The following ADD2 variants were observed in gnomAD, a reference collection of about 807,000 sequenced individuals.
The protein encoded by ADD2 is beta-adducin.
In ADD2, 23 loss-of-function variants were observed where a neutral mutation model predicts 83.0. That is an observed-to-expected ratio of 0.28 (90% CI 0.20 to 0.39). ADD2 has a LOEUF of 0.39. ADD2 is among the 10% of genes least tolerant of loss of function. The pLI is 1.00. For synonymous variants in ADD2, 375 were observed against 375.4 expected (o/e 1.00, Z 0.01); for missense variants, 758 against 944.9 (o/e 0.80, Z 2.59).
chr2:70,688,634 G>A (rs994785980), intron 8 of ADD2, among the ~76,000 whole-genome samples: 3 of 152,172 alleles, frequency 2.0e-5, no homozygotes, highest in Admixed American at 2.0e-4. Context: ...TCTCTGAGAG[G>A]TGGCCCTACA....
chr2:70,721,699 CA>C (rs1672737503), intron 1 of ADD2, among the ~76,000 whole-genome samples: 1 of 152,162 alleles, frequency 6.6e-6, no homozygotes, highest in Non-Finnish European at 1.5e-5. Flanking sequence ...TGTCTCCAGG[CA>C]ATTTCTGTAC....
intron 1 of ADD2, chr2:70,741,537 G>T (rs752641841): frequency 6.6e-6 from 1 of 152,218 alleles, no homozygotes; most frequent in African/African-American, 2.4e-5. Context: ...CTACTTTGGC[G>T]TACAGGAGAA....
rs376086375 is a variant in ADD2, at chr2:70,690,823, C to A, written c.812G>T (p.Arg271Leu). ...FNGEMEQEAD[R>L]INLQKCLGPT... ...TCCAAGGCACTTCTGCAGGTTGATC[C>A]GATCGGCTTCCTGCTCCATTTCCCC... is the stretch of plus-strand genomic sequence containing the variant. Residue 271 changes from arginine to leucine, a missense_variant, in exon 8 of 16, where the codon CGG becomes CTG. Around this residue, in one of 5 missense-constraint regions of ADD2, gnomAD observed 394 missense variants for 509.3 expected, o/e 0.77. Transcript: ENST00000264436. The A allele has an allele frequency of 6.2e-7, 1 of 1,614,010 alleles. No individual in the cohort carries two copies. Among genetic ancestry groups the A allele is most frequent in the Non-Finnish European group, 8.5e-7 (1 of 1,180,018 alleles).
intron 1 of ADD2, among the ~76,000 whole-genome samples, chr2:70,742,320 A>T (rs1673961100): frequency 6.6e-6 from 1 of 152,228 alleles, no homozygotes; most frequent in African/African-American, 2.4e-5. Flanking sequence ...CAAGTACATT[A>T]CCAGAGAAAA....
At chr2:70,740,989 C>T (rs139179576) in intron 1 of ADD2, among the ~76,000 whole-genome samples, 6 of 152,200 alleles carry the variant, frequency 3.9e-5, no homozygotes, top group Non-Finnish European at 7.3e-5. Context: ...CATGAGCCAC[C>T]GTGCCCGGCC....
At chr2:70,692,604 C>T (rs544821191) in intron 6 of ADD2, 52 bp from the exon 7 acceptor site, 8 of 1,518,384 alleles carry the variant, frequency 5.3e-6, no homozygotes, top group Admixed American at 4.1e-5. Context: ...CGAGGCCCCG[C>T]ACTCCTCTCC....
intron 6 of ADD2, among the ~76,000 whole-genome samples, chr2:70,694,636 C>T (rs1487949000): frequency 6.6e-6 from 1 of 152,126 alleles, no homozygotes; most frequent in Non-Finnish European, 1.5e-5. Context: ...CTCTGCCAAA[C>T]CTCTCCTTGC....
At chr2:70,737,086 TG>T (rs1673610065) in intron 1 of ADD2, among the ~76,000 whole-genome samples, 1 of 151,950 alleles carries the variant, frequency 6.6e-6, no homozygotes, top group Admixed American at 6.6e-5. Context: ...CAGGTGCTGG[TG>T]AGGATGTGGA....
intron 3 of ADD2, among the ~76,000 whole-genome samples, chr2:70,705,998 TC>T (rs1367777036): frequency 6.6e-6 from 1 of 151,738 alleles, no homozygotes; most frequent in African/African-American, 2.4e-5. Context: ...CCGTCCCACC[TC>T]CCCCCGCACC....
chr2:70,733,035 C>T (rs1486269185), intron 1 of ADD2, among the ~76,000 whole-genome samples: 1 of 152,206 alleles, frequency 6.6e-6, no homozygotes, highest in Non-Finnish European at 1.5e-5. Flanking sequence ...TCATGAGTCT[C>T]TCTCACAGTT....
In ADD2 at chr2:70,767,997, G is replaced by A. The variant is rs2287097; in HGVS notation, c.-265C>T. On this transcript the variant is annotated 5_prime_UTR_variant, in exon 1 of 16. Transcript: ENST00000264436. ...AAAAATCCACCCAGCTAATCTGCAG[G>A]GCAGCGTTTTCTGCCCATGCTGCAG... 0.38 allele frequency: 584,551 copies of A among 1,530,094 alleles called. 116,685 individuals are homozygous for A. Among genetic ancestry groups the A allele is most frequent in the African/African-American group, 0.7 (51,306 of 72,898 alleles). 94.8% of individuals were successfully genotyped at this position (1,530,094 alleles called of 1,614,324 possible). A position where few individuals can be genotyped will look rare whatever the true frequency, so the allele number is the denominator to read the frequency against.
intron 8 of ADD2, 131 bp downstream of exon 8, chr2:70,690,655 T>C (rs1670978123): frequency 9.4e-7 from 1 of 1,063,588 alleles, no homozygotes; most frequent in East Asian, 2.6e-5. Flanking sequence ...CTCAGGGTAG[T>C]GGGATAGAGA....
At chr2:70,725,983 C>G (rs554492717) in intron 1 of ADD2, among the ~76,000 whole-genome samples, 1 of 151,752 alleles carries the variant, frequency 6.6e-6, no homozygotes, top group Non-Finnish European at 1.5e-5. Flanking sequence ...GTCAGGAGAT[C>G]GAGACCATCC....
In ADD2 at chr2:70,706,005, G is replaced by A. The variant is rs1457883577; in HGVS notation, c.183+221C>T. Among the ~76,000 whole-genome samples the A allele has an allele frequency of 6.6e-6, 1 of 152,104 alleles. No individual in the cohort carries two copies. Among genetic ancestry groups the A allele is most frequent in the Admixed American group, 6.5e-5 (1 of 15,278 alleles). ...TCCTGTCTCCGTCCCACCTCCCCCC[G>A]CACCAAGCCAAACTGCCACACACAA... On this transcript the variant is annotated intron_variant, in intron 3 of 15. Transcript: ENST00000264436. This position sits in a 1 kb window ranked among gnomAD's most constrained non-coding sequence, Gnocchi z 5.0.
chr2:70,687,942 C>T, intron 9 of ADD2, 82 bp downstream of exon 9: 2 of 1,030,222 alleles, frequency 1.9e-6, no homozygotes. Context: ...CCCTGAATCA[C>T]AGCCAACAGG....
At chr2:70,690,620 A>G (rs1402940856) in intron 8 of ADD2, among the ~76,000 whole-genome samples, 166 bp downstream of exon 8, 5 of 152,190 alleles carry the variant, frequency 3.3e-5, no homozygotes, top group African/African-American at 1.2e-4. Flanking sequence ...ATAAATTTCA[A>G]TATATTTGGG....
At chr2:70,688,338 C>G (rs973211690) in intron 8 of ADD2, among the ~76,000 whole-genome samples, 1 of 152,238 alleles carries the variant, frequency 6.6e-6, no homozygotes, top group Admixed American at 6.5e-5. Context: ...CATTTTAAAA[C>G]TGGGACTAAA....
rs781945769 is a variant in ADD2 at position 70,676,869 on chromosome 2, C to T, written c.1520G>A (p.Arg507Gln). 24 of 1,613,548 alleles carry T rather than the reference C, an allele frequency of 1.5e-5. No homozygotes were observed. The highest frequency in any genetic ancestry group is 2.2e-5 in the East Asian group (1 of 44,892). The change falls in exon 13 of 16, where the codon CGA becomes CAA. Residue 507 changes from arginine (R) to glutamine (Q), a missense_variant. This residue lies in a region of ADD2 where 394 missense variants were observed against 509.3 expected (regional missense o/e 0.77). Transcript: ENST00000264436. The surrounding 1 kb of genome is among the most constrained non-coding windows in gnomAD (Gnocchi z 4.8). ...AGGCCCCGCTGACTTCACATCTTGT[C>T]GGTTTTGTTCTCGAATCTGTGTGGA... ...EMRNKIREQN[R>Q]QDVKSAGPQS...
chr2:70,745,216 G>A (rs1353595634), intron 1 of ADD2, among the ~76,000 whole-genome samples: 1 of 152,044 alleles, frequency 6.6e-6, no homozygotes, highest in African/African-American at 2.4e-5. Context: ...AACCCGGAGG[G>A]CGGAGCTTGC....
Sources: allele counts gnomAD v4.1 joint callset (sites outside exome capture counted in the v4.1 genomes callset), GRCh38; gene constraint gnomAD v4.1.1; regional missense constraint gnomAD v4.1.1; non-coding constraint Gnocchi (gnomAD v3.1); transcripts MANE v1.5; gene names NCBI Gene and HGNC (gene_info 2026-07-23, HGNC 2026-07-21).